The following VAV1 variants were observed in gnomAD, a reference collection of about 807,000 sequenced individuals.
VAV1 encodes the protein proto-oncogene vav.
VAV1 carries 33 observed loss-of-function variants against 128.1 expected under a neutral mutation model. That is an observed-to-expected ratio of 0.26 (90% confidence interval 0.20 to 0.34). The LOEUF (loss-of-function observed/expected upper bound fraction) is 0.34, where lower values mean the gene tolerates loss of function less well. Among genes scored for constraint, VAV1 ranks in the 10% least tolerant of loss-of-function variants. The pLI, the probability that VAV1 is intolerant of heterozygous loss-of-function variation, is 1.00. For missense variants in VAV1, 715 were observed against 1,093.7 expected (o/e 0.65, Z 4.88); for synonymous variants, 394 against 409.8 (o/e 0.96, Z 0.47).
intron 22 of VAV1, among the ~76,000 whole-genome samples, 166 bp downstream of exon 22, chr19:6,843,332 A>G (rs1972426773): frequency 6.6e-6 from 1 of 152,122 alleles, no homozygotes; most frequent in South Asian, 2.1e-4. Context: ...TGGGACAGAC[A>G]AAGGAGGGTC....
At chr19:6,814,720 C>CT (rs1178324800) in intron 1 of VAV1, among the ~76,000 whole-genome samples, 4 of 134,058 alleles carry the variant, frequency 3.0e-5, no homozygotes, top group South Asian at 4.7e-4. Flanking sequence ...TTCTTTCTTT[C>CT]TTTCTTTCTT....
chr19:6,820,401 T>C lies in VAV1; in HGVS notation c.205-301T>C, dbSNP rs164017. Among the ~76,000 whole-genome samples, 13,198 of 152,206 alleles carry C rather than the reference T, an allele frequency of 0.087. 853 individuals are homozygous for C. Among genetic ancestry groups the C allele is most frequent in the East Asian group, 0.17 (872 of 5,188 alleles). ...TTTTCAGGTCATCCACATTGTAGTA[T>C]GAATCAGTGCTTCATTCCTTTTTAT... On this transcript the variant is annotated intron_variant, in intron 1 of 26. Transcript: ENST00000602142. The surrounding 1 kb of genome is among the most constrained non-coding windows in gnomAD (Gnocchi z 4.4).
intron 1 of VAV1, among the ~76,000 whole-genome samples, chr19:6,808,548 G>C (rs1827466546): frequency 6.6e-6 from 1 of 152,188 alleles, no homozygotes; most frequent in African/African-American, 2.4e-5. Context: ...TCAAAGACCA[G>C]CTCCTCCTGT....
At chr19:6,813,648 T>C (rs1971559428) in intron 1 of VAV1, among the ~76,000 whole-genome samples, 1 of 152,182 alleles carries the variant, frequency 6.6e-6, no homozygotes, top group African/African-American at 2.4e-5. Context: ...AGGTTTTCTA[T>C]ACAAATCTTA....
chr19:6,799,928 A>G lies in VAV1; in HGVS notation c.205-20774A>G, dbSNP rs370925497. On this transcript the variant is annotated intron_variant, in intron 1 of 26. Coordinates refer to ENST00000602142, the MANE Select transcript of VAV1 (RefSeq NM_005428.4). Reference sequence around the variant, plus strand: ...ATTCTGTACAAGTCTTTGTATGGACATGTGCTTTCATTTCTCTTGAGTAAA... The same window carrying G: ...ATTCTGTACAAGTCTTTGTATGGACGTGTGCTTTCATTTCTCTTGAGTAAA... 2.6e-4 allele frequency among the ~76,000 whole-genome samples: 40 copies of G among 151,910 alleles called. No individual in the cohort carries two copies. The East Asian group carries it at 6.0e-3, about 23-fold the overall frequency.
At chr19:6,800,792 T>TTG (rs34312529) in intron 1 of VAV1, among the ~76,000 whole-genome samples, 116,122 of 147,574 alleles carry the variant, frequency 0.79, 46,461 homozygotes, top group East Asian at 0.93. Flanking sequence ...TGGCAAATTT[T>TTG]TGTGTGTGTG....
intron 1 of VAV1, among the ~76,000 whole-genome samples, chr19:6,819,047 T>C (rs7260086): frequency 0.058 from 8,800 of 151,816 alleles, 377 homozygotes; most frequent in African/African-American, 0.12. Flanking sequence ...ACCTGGGAGG[T>C]GGAGGTTGCA....
Position 6,829,798 on chromosome 19 carries a change from G to A in VAV1, c.1278G>A (p.Leu426=). The change falls in exon 14 of 27, where the codon CTG becomes CTA. Residue 426 remains leucine (L), a synonymous_variant. Transcript: ENST00000602142. ...RRSKMDRYAF[L]LDKALLICKR... is the part of the protein sequence containing the mutation. ...TCCATCCTTCCAGGTATGCCTTCCT[G>A]CTCGACAAAGCTCTACTCATCTGTA... 6.2e-7 allele frequency: 1 copy of A among 1,614,126 alleles called. No individual in the cohort carries two copies. The highest frequency in any genetic ancestry group is 8.5e-7 in the Non-Finnish European group (1 of 1,179,990).
chr19:6,791,211 T>C (rs868470292), intron 1 of VAV1, among the ~76,000 whole-genome samples: 1 of 152,230 alleles, frequency 6.6e-6, no homozygotes, highest in African/African-American at 2.4e-5. Flanking sequence ...CCTTGAGTTA[T>C]CTCCTCATCT....
rs532131543 is a variant in VAV1, at chr19:6,839,188, A to G, written c.1980+2138A>G. 8.0e-5 allele frequency among the ~76,000 whole-genome samples: 12 copies of G among 149,556 alleles called. No homozygotes were observed. In the East Asian group the frequency reaches 2.4e-3, roughly 29 times the overall value. On this transcript the variant is annotated intron_variant, in intron 21 of 26. Coordinates refer to ENST00000602142, the MANE Select transcript of VAV1 (RefSeq NM_005428.4). ...AGTGTTGGGATTACAGGTGTGAGCC[A>G]CTGCACCCAGCCGCAGCTGTTTTTT...
At chr19:6,809,426 C>T (rs1008458045) in intron 1 of VAV1, among the ~76,000 whole-genome samples, 2 of 152,154 alleles carry the variant, frequency 1.3e-5, no homozygotes, top group Non-Finnish European at 2.9e-5. Flanking sequence ...TAATCTACCA[C>T]AAAGGGCATT....
At chr19:6,845,977 A>G (rs915236451) in intron 22 of VAV1, among the ~76,000 whole-genome samples, 1 of 148,246 alleles carries the variant, frequency 6.7e-6, no homozygotes, top group African/African-American at 2.5e-5. Context: ...TATGCGTTAT[A>G]TAATATACTA....
At chr19:6,836,376 T>G in intron 19 of VAV1, 56 bp from the exon 20 acceptor site, 2 of 1,571,196 alleles carry the variant, frequency 1.3e-6, no homozygotes, top group Non-Finnish European at 1.7e-6. Context: ...GGTGGCAAGA[T>G]TCAGGGTTGA....
intron 1 of VAV1, among the ~76,000 whole-genome samples, chr19:6,794,349 G>A (rs1314895466): frequency 2.0e-5 from 3 of 152,062 alleles, no homozygotes; most frequent in African/African-American, 7.2e-5. Context: ...TGACTGAAGA[G>A]GAAAACCAGG....
In VAV1 at chr19:6,777,364, T is replaced by C. The variant is rs533321326; in HGVS notation, c.204+4353T>C. 2.0e-5 allele frequency among the ~76,000 whole-genome samples: 3 copies of C among 152,108 alleles called. No individual in the cohort carries two copies. The highest frequency in any genetic ancestry group is 2.9e-5 in the Non-Finnish European group (2 of 68,026). The stretch of plus-strand genomic sequence containing the variant: ...TAGCACACACACACAAAAACCCCTG[T>C]TGTTGAGGAGCCTGCATTCTAGTGG... On this transcript the variant is annotated intron_variant, in intron 1 of 26. Coordinates refer to ENST00000602142, the MANE Select transcript of VAV1 (RefSeq NM_005428.4). This position sits in a 1 kb window ranked among gnomAD's most constrained non-coding sequence, Gnocchi z 4.4.
chr19:6,830,893 G>C (rs59158629), intron 14 of VAV1, among the ~76,000 whole-genome samples: 8,987 of 152,088 alleles, frequency 0.059, 566 homozygotes, highest in African/African-American at 0.16. Context: ...TTTGAGATCA[G>C]CCTGGGCAAC....
chr19:6,775,213 G>C (rs1427121210), intron 1 of VAV1, among the ~76,000 whole-genome samples: 1 of 152,136 alleles, frequency 6.6e-6, no homozygotes, highest in African/African-American at 2.4e-5. Flanking sequence ...TAATCTTCTG[G>C]TTTCTAGGGC....
chr19:6,787,504 G>A (rs1970919898), intron 1 of VAV1, among the ~76,000 whole-genome samples: 1 of 151,998 alleles, frequency 6.6e-6, no homozygotes, highest in Non-Finnish European at 1.5e-5. Flanking sequence ...GCTTTCTTGT[G>A]GGTGTTTTCC....
At chr19:6,824,337 G>A (rs555332701) in intron 6 of VAV1, among the ~76,000 whole-genome samples, 21 of 152,052 alleles carry the variant, frequency 1.4e-4, no homozygotes, top group Non-Finnish European at 2.8e-4. Context: ...TGGCAACCAC[G>A]AGCTTACTCG....
Sources: allele counts gnomAD v4.1 joint callset (sites outside exome capture counted in the v4.1 genomes callset), GRCh38; gene constraint gnomAD v4.1.1; non-coding constraint Gnocchi (gnomAD v3.1); transcripts MANE v1.5; gene names NCBI Gene and HGNC (gene_info 2026-07-23, HGNC 2026-07-21).